The following KMT2D variants were observed in gnomAD, a reference collection of about 807,000 sequenced individuals.
KMT2D encodes the protein histone-lysine N-methyltransferase 2D.
In KMT2D, 55 loss-of-function variants were observed where a neutral mutation model predicts 512.7. That is an observed-to-expected ratio of 0.11 (90% confidence interval 0.09 to 0.13). KMT2D has a LOEUF of 0.13. Among genes scored for constraint, KMT2D ranks in the 10% least tolerant of loss-of-function variants. The pLI is 1.00. For synonymous variants in KMT2D, 2,995 were observed against 2,904.0 expected (o/e 1.03, Z -1.01); for missense variants, 6,061 against 7,127.9 (o/e 0.85, Z 5.39).
chr12:49,044,344 G>A lies in KMT2D; in HGVS notation c.5084-40C>T, dbSNP rs2120581864. Reference sequence around the variant, plus strand: ...AGTTGTGGATGAGAAGCCGCTGGGGGACCTATTGAGCTGCCCCGCACCACC... The same window carrying A: ...AGTTGTGGATGAGAAGCCGCTGGGGAACCTATTGAGCTGCCCCGCACCACC... On this transcript the variant is annotated intron_variant, in intron 21 of 54. Coordinates refer to ENST00000301067, the MANE Select transcript of KMT2D (RefSeq NM_003482.4). This position sits in a 1 kb window ranked among gnomAD's most constrained non-coding sequence, Gnocchi z 6.4. The A allele has an allele frequency of 6.2e-7, 1 of 1,613,564 alleles. No individual in the cohort carries two copies. The highest frequency in any genetic ancestry group is 1.1e-5 in the South Asian group (1 of 91,036).
At position 49,032,891 on chromosome 12, in the gene KMT2D, CTGCTGCTGTTGCTGCTGTTGAAGCTGT is replaced by C. The variant is rs767553883; in HGVS notation, c.11787_11813del (p.Gln3939_Gln3947del). On this transcript the variant is annotated inframe_deletion, in exon 40 of 55. Transcript: ENST00000301067. ...GTTGCTGCTGCTGTTGTTGAAGCTG[CTGCTGCTGTTGCTGCTGTTGAAGCTGT>C]TGCTGCTGAAGTTGCTGTTGCTGTT... The C allele has an allele frequency of 6.5e-7, 1 of 1,549,950 alleles. No individual in the cohort carries two copies. Among genetic ancestry groups the C allele is most frequent in the Non-Finnish European group, 8.7e-7 (1 of 1,146,844 alleles).
Position 49,040,763 on chromosome 12 carries a change from G to A in KMT2D, c.7007C>T (p.Ser2336Phe), listed in dbSNP as rs2120534247. The A allele has an allele frequency of 6.2e-7, 1 of 1,613,608 alleles. No individual in the cohort carries two copies. The highest frequency in any genetic ancestry group is 8.5e-7 in the Non-Finnish European group (1 of 1,179,718). Residue 2336 changes from serine to phenylalanine, a missense_variant, in exon 32 of 55, where the codon TCT (serine) becomes TTT (phenylalanine). Physicochemically the swap from Ser to Phe is radical, Grantham distance 155. Around this residue, in one of 16 missense-constraint regions of KMT2D, gnomAD observed 710 missense variants for 647.3 expected, o/e 1.10. Coordinates refer to ENST00000301067, the MANE Select transcript of KMT2D (RefSeq NM_003482.4). ...GCCCGGGCTCTGGGGCTCTACCTGA[G>A]ATGCCCGAGGGGTCAGGGGGGCTTT... ...VFKAPLTPRA[S>F]QVEPQSPGLG...
In KMT2D at chr12:49,032,556, G is replaced by T; in HGVS notation, c.12149C>A (p.Ala4050Glu). 2 of 1,611,934 alleles carry T rather than the reference G, an allele frequency of 1.2e-6. No individual in the cohort carries two copies. ...GPSTHQGGPLAIGTTPESMAT... is the reference protein window; with the variant it reads ...GPSTHQGGPLEIGTTPESMAT... The stretch of plus-strand genomic sequence containing the variant: ...CATTGACTCAGGGGTAGTTCCTATT[G>T]CTAACGGCCCTCCCTGATGTGTAGA... The change falls in exon 40 of 55, where the codon GCA becomes GAA. Residue 4050 changes from alanine (A) to glutamate (E), a missense_variant. Physicochemically the swap from Ala to Glu is moderately radical, Grantham distance 107. Around this residue, in one of 16 missense-constraint regions of KMT2D, gnomAD observed 1,600 missense variants for 1,754.9 expected, o/e 0.91. Coordinates refer to ENST00000301067, the MANE Select transcript of KMT2D (RefSeq NM_003482.4).
Position 49,046,192 on chromosome 12 carries a change from G to A in KMT2D, c.4584-18C>T, listed in dbSNP as rs1205714018. 2 of 1,612,254 alleles carry A rather than the reference G, an allele frequency of 1.2e-6. No homozygotes were observed. The highest frequency in any genetic ancestry group is 1.7e-6 in the Non-Finnish European group (2 of 1,179,000). On this transcript the variant is annotated intron_variant, in intron 17 of 54. Transcript: ENST00000301067. This position sits in a 1 kb window ranked among gnomAD's most constrained non-coding sequence, Gnocchi z 4.2. ...GCATCCACCTGGAGAACAGAGACTG[G>A]AGGAAATAAGCTCAGGCAATGCGAG... is the stretch of plus-strand genomic sequence containing the variant.
At chr12:49,035,941 C>T (rs906395025) in intron 35 of KMT2D, 1 of 152,262 alleles carries the variant, frequency 6.6e-6, no homozygotes, top group African/African-American at 2.4e-5. Flanking sequence ...GGAGTACCGA[C>T]CAGACTTCAG....
Position 49,030,162 on chromosome 12 carries a change from G to A in KMT2D, c.13999+118C>T, listed in dbSNP as rs908583695. 1.4e-5 allele frequency: 12 copies of A among 840,614 alleles called. No individual in the cohort carries two copies. In the African/African-American group the frequency reaches 1.9e-4, roughly 13 times the overall value. The allele number at this position is 840,614 out of a possible 1,614,324, so 52.1% of individuals were successfully genotyped here. A position where few individuals can be genotyped will look rare whatever the true frequency, so the allele number is the denominator to read the frequency against. ...GGGCCCTTCCTACCTCAGGTGCCCT[G>A]TTATGTAAACACACAGGACAGCAGG... On this transcript the variant is annotated intron_variant, in intron 43 of 54. Transcript: ENST00000301067.
rs1435661942 is a variant in KMT2D at position 49,038,031 on chromosome 12, G to C, written c.9325C>G (p.Pro3109Ala). 1 of 1,610,400 alleles carries C rather than the reference G, an allele frequency of 6.2e-7. No homozygotes were observed. Among genetic ancestry groups the C allele is most frequent in the Non-Finnish European group, 8.5e-7 (1 of 1,178,538 alleles). ...RPPPAADASE[P>A]RLASVLPEVK... ...TCAGGGAGCACAGATGCCAGGCGGG[G>C]TTCAGAGGCATCAGCAGCAGGGGGA... is the stretch of plus-strand genomic sequence containing the variant. Residue 3109 changes from proline (P) to alanine (A), a missense_variant, in exon 35 of 55, where the codon CCC (proline) becomes GCC (alanine). Coordinates refer to ENST00000301067, the MANE Select transcript of KMT2D (RefSeq NM_003482.4). The surrounding 1 kb of genome is among the most constrained non-coding windows in gnomAD (Gnocchi z 5.7).
Position 49,049,720 on chromosome 12 carries a change from G to A in KMT2D, c.3868C>T (p.Arg1290Trp), listed in dbSNP as rs769946520. ...SGGKAEGEKG[R>W]RRSSPARSRI... Reference sequence around the variant, plus strand: ...GAACGGGCTGGGGAGCTGCGCCGCCGCCCCTTCTCCCCCTCAGCTTTGCCT... The same window carrying A: ...GAACGGGCTGGGGAGCTGCGCCGCCACCCCTTCTCCCCCTCAGCTTTGCCT... Residue 1290 changes from arginine to tryptophan, a missense_variant, in exon 12 of 55, where the codon CGG (arginine) becomes TGG (tryptophan). Physicochemically the swap from Arg to Trp is moderately radical, Grantham distance 101. This residue lies in a region of KMT2D where 447 missense variants were observed against 500.1 expected (regional missense o/e 0.89). Transcript: ENST00000301067. 3 of 1,601,470 alleles carry A rather than the reference G, an allele frequency of 1.9e-6. No homozygotes were observed. Among genetic ancestry groups the A allele is most frequent in the Admixed American group, 1.7e-5 (1 of 59,546 alleles).
intron 51 of KMT2D, among the ~76,000 whole-genome samples, chr12:49,023,335 C>A (rs892025143): frequency 6.6e-6 from 1 of 152,206 alleles, no homozygotes; most frequent in African/African-American, 2.4e-5. Context: ...AAAATGGGGA[C>A]TGTGCCTACC....
rs398123755 is a variant in KMT2D, at chr12:49,040,792, G to C, written c.6978C>G (p.Val2326=). The change falls in exon 32 of 55, where the codon GTC becomes GTG. Residue 2326 remains valine, a synonymous_variant. Coordinates refer to ENST00000301067, the MANE Select transcript of KMT2D (RefSeq NM_003482.4). ...CCCGAGGGGTCAGGGGGGCTTTGAA[G>C]ACATCAGGTGTCTTTAACTCCAGGC... ...LGGLELKTPD[V]FKAPLTPRAS... is the part of the protein sequence containing the mutation. 2.5e-6 allele frequency: 4 copies of C among 1,613,698 alleles called. No homozygotes were observed. Among genetic ancestry groups the C allele is most frequent in the Non-Finnish European group, 3.4e-6 (4 of 1,179,750 alleles).
intron 1 of KMT2D, among the ~76,000 whole-genome samples, chr12:49,057,976 C>A (rs972171376): frequency 6.6e-6 from 1 of 152,200 alleles, no homozygotes; most frequent in African/African-American, 2.4e-5. Flanking sequence ...TTCCTGCCTC[C>A]CTCCCAGACC....
chr12:49,045,024 G>C (rs1464902709), intron 19 of KMT2D, 59 bp from the exon 20 acceptor site: 102 of 1,504,460 alleles, frequency 6.8e-5, no homozygotes, highest in African/African-American at 1.4e-5. Context: ...AACCAGAACT[G>C]CAAGTTTCAA....
chr12:49,039,339 C>G lies in KMT2D; in HGVS notation c.8249G>C (p.Gly2750Ala). 6.2e-7 allele frequency: 1 copy of G among 1,613,180 alleles called. No homozygotes were observed. The highest frequency in any genetic ancestry group is 8.5e-7 in the Non-Finnish European group (1 of 1,179,558). Residue 2750 changes from glycine (G) to alanine (A), a missense_variant, in exon 34 of 55, where the codon GGG becomes GCG. Transcript: ENST00000301067. This position sits in a 1 kb window ranked among gnomAD's most constrained non-coding sequence, Gnocchi z 5.0. ...GCCACTCAGCTTGCTTGGGGGCAAC[C>G]CCACAAGGCTGCTCTTGTCCTAGAA... is the stretch of plus-strand genomic sequence containing the variant. ...AGTQDKSSLV[G>A]LPPSKLSGPI...
rs757519195 is a variant in KMT2D at position 49,030,284 on chromosome 12, C to T, written c.13995G>A (p.Leu4665=). Residue 4665 remains leucine, a synonymous_variant, in exon 43 of 55, where the codon CTG becomes CTA. Coordinates refer to ENST00000301067, the MANE Select transcript of KMT2D (RefSeq NM_003482.4). The part of the protein sequence containing the change: ...AASARDSERA[L]RDTSEVKSLD... ...TGGCATCTGCTCTTGACTTACCCCT[C>T]AGTGCCCTTTCACTATCCCGGGCAG... 9 of 1,600,052 alleles carry T rather than the reference C, an allele frequency of 5.6e-6. No individual in the cohort carries two copies. The highest frequency in any genetic ancestry group is 7.7e-6 in the Non-Finnish European group (9 of 1,172,942).
Position 49,042,204 on chromosome 12 carries a change from A to G in KMT2D, c.5994T>C (p.Tyr1998=). The change falls in exon 29 of 55, where the codon TAT becomes TAC. Residue 1998 remains tyrosine, a synonymous_variant. Coordinates refer to ENST00000301067, the MANE Select transcript of KMT2D (RefSeq NM_003482.4). This position sits in a 1 kb window ranked among gnomAD's most constrained non-coding sequence, Gnocchi z 4.4. ...CCCAGCGCTGAAGACTCCGCTGGTTATAGGAGAGTCCGTCGCCCTCACCCT... is the reference window on the plus strand; with the variant it reads ...CCCAGCGCTGAAGACTCCGCTGGTTGTAGGAGAGTCCGTCGCCCTCACCCT... ...TTEGEGDGLS[Y]NQRSLQRWEK... The G allele has an allele frequency of 6.2e-7, 1 of 1,608,016 alleles. No homozygotes were observed. The highest frequency in any genetic ancestry group is 1.3e-5 in the African/African-American group (1 of 74,950).
chr12:49,052,586 C>T lies in KMT2D; in HGVS notation c.1236G>A (p.Leu412=), dbSNP rs1938141352. ...CACCTAGTGGTTTGGCTTCACATTG[C>T]AGGGGCCCTGGTTCCTTGGGTTGCA... The part of the protein sequence containing the change: ...TSMQPKEPGP[L]QCEAKPLGKA... The change falls in exon 10 of 55, where the codon CTG becomes CTA. Residue 412 remains leucine, a synonymous_variant. Transcript: ENST00000301067. 2 of 1,613,366 alleles carry T rather than the reference C, an allele frequency of 1.2e-6. No individual in the cohort carries two copies. The highest frequency in any genetic ancestry group is 8.5e-7 in the Non-Finnish European group (1 of 1,179,590).
At position 49,054,950 on chromosome 12, in the gene KMT2D, A is replaced by G. The variant is rs766151808; in HGVS notation, c.126T>C (p.Ser42=). Residue 42 remains serine, a synonymous_variant, in exon 3 of 55, where the codon TCT becomes TCC. Coordinates refer to ENST00000301067, the MANE Select transcript of KMT2D (RefSeq NM_003482.4). This position sits in a 1 kb window ranked among gnomAD's most constrained non-coding sequence, Gnocchi z 6.4. ...GCCTGGGACTCCCAGAACTAAGGACAGAGACCTCTCCCACATGTGGGTTGG... is the reference window on the plus strand; with the variant it reads ...GCCTGGGACTCCCAGAACTAAGGACGGAGACCTCTCCCACATGTGGGTTGG... ...DLPNPHVGEV[S]VLSSGSPRLQ... The G allele has an allele frequency of 5.6e-6, 9 of 1,614,040 alleles. No individual in the cohort carries two copies. In the South Asian group the frequency reaches 9.9e-5, roughly 18 times the overall value.
At position 49,028,144 on chromosome 12, in the gene KMT2D, G is replaced by C; in HGVS notation, c.14383-3C>G. 1 of 1,613,898 alleles carries C rather than the reference G, an allele frequency of 6.2e-7. No homozygotes were observed. Among genetic ancestry groups the C allele is most frequent in the Non-Finnish European group, 8.5e-7 (1 of 1,179,856 alleles). ...GCCACCATCACGCCATTCAGGTTCT[G>C]CCAGGGCCAGGGAAGGGATGGAAGA... On this transcript the variant is annotated splice_polypyrimidine_tract_variant and splice_region_variant and intron_variant, in intron 46 of 54. Transcript: ENST00000301067.
chr12:49,046,396 C>A lies in KMT2D; in HGVS notation c.4447G>T (p.Ala1483Ser), dbSNP rs2120605614. ...CATTCACAGTGGAAGCCAGGGGAAGCAGCCCCACACTGCATACAGGACACA... is the reference window on the plus strand; with the variant it reads ...CATTCACAGTGGAAGCCAGGGGAAGAAGCCCCACACTGCATACAGGACACA... ...WCVSCMQCGA[A>S]SPGFHCEWQN... The change falls in exon 17 of 55, where the codon GCT becomes TCT. Residue 1483 changes from alanine (A) to serine (S), a missense_variant. Coordinates refer to ENST00000301067, the MANE Select transcript of KMT2D (RefSeq NM_003482.4). This position sits in a 1 kb window ranked among gnomAD's most constrained non-coding sequence, Gnocchi z 4.2. 6.2e-7 allele frequency: 1 copy of A among 1,613,940 alleles called. No individual in the cohort carries two copies. The highest frequency in any genetic ancestry group is 8.5e-7 in the Non-Finnish European group (1 of 1,179,886).
Sources: allele counts gnomAD v4.1 joint callset (sites outside exome capture counted in the v4.1 genomes callset), GRCh38; gene constraint gnomAD v4.1.1; regional missense constraint gnomAD v4.1.1; non-coding constraint Gnocchi (gnomAD v3.1); transcripts MANE v1.5; gene names NCBI Gene and HGNC (gene_info 2026-07-23, HGNC 2026-07-21).